The following PRKAR1A variants were observed in gnomAD, a reference collection of about 807,000 sequenced individuals.
The protein encoded by PRKAR1A is cAMP-dependent protein kinase type I-alpha regulatory subunit.
PRKAR1A carries 3 observed loss-of-function variants against 52.0 expected under a neutral mutation model. The observed-to-expected ratio is 0.06, with a 90% confidence interval of 0.03 to 0.15. The LOEUF (loss-of-function observed/expected upper bound fraction) is 0.15, where lower values mean the gene tolerates loss of function less well. Among genes scored for constraint, PRKAR1A ranks in the 10% least tolerant of loss-of-function variants. The pLI, the probability that PRKAR1A is intolerant of heterozygous loss-of-function variation, is 1.00. For synonymous variants in PRKAR1A, 188 were observed against 168.4 expected (o/e 1.12, Z -0.90); for missense variants, 240 against 477.4 (o/e 0.50, Z 4.63).
the PRKAR1A span, among the ~76,000 whole-genome samples, chr17:68,489,186 GTATATATATATATATATA>G: frequency 5.7e-3 from 63 of 11,092 alleles, 3 homozygotes; most frequent in African/African-American, 0.018. Context: ...ATCTTGGAAA[GTATATATATATATATATA>G]TATATATATA....
At chr17:68,489,215 TATATATATATATATG>T in the PRKAR1A span, among the ~76,000 whole-genome samples, 1 of 53,456 alleles carries the variant, frequency 1.9e-5, no homozygotes, top group Admixed American at 3.0e-4. Flanking sequence ...TATATATATA[TATATATATATATATG>T]GAAAGTATAT....
intron 11 of PRKAR1A, chr17:68,542,777 A>G (rs770088753): frequency 2.5e-6 from 4 of 1,614,026 alleles, no homozygotes; most frequent in South Asian, 2.2e-5. Context: ...TATCCTCCCC[A>G]CTGTTGGCGG....
In PRKAR1A at chr17:68,515,684, T is replaced by G; in HGVS notation, c.177+108T>G. 3 of 1,291,448 alleles carry G rather than the reference T, an allele frequency of 2.3e-6. 1 individual carries two copies. The South Asian group carries it at 3.9e-5, about 17-fold the overall frequency. The allele number at this position is 1,291,448 out of a possible 1,614,324, so 80.0% of individuals were successfully genotyped here. On this transcript the variant is annotated intron_variant, in intron 2 of 10. Coordinates refer to ENST00000589228, the MANE Select transcript of PRKAR1A (RefSeq NM_002734.5). The stretch of plus-strand genomic sequence containing the variant: ...TTGGAAGAAAAGGAATCTGACTAAA[T>G]AAAAAGTCTAAAACAATTTCAAATA...
the PRKAR1A span, chr17:68,420,550 C>A: frequency 2.1e-6 from 3 of 1,438,940 alleles, no homozygotes; most frequent in Non-Finnish European, 2.9e-6. Flanking sequence ...TTTACAAACA[C>A]ACGCTTTAGT....
At chr17:68,489,768 C>A in the PRKAR1A span, among the ~76,000 whole-genome samples, 2 of 151,862 alleles carry the variant, frequency 1.3e-5, no homozygotes, top group Admixed American at 6.6e-5. Context: ...GTTGGCCAGC[C>A]CGGTCTCGAA....
the PRKAR1A span, among the ~76,000 whole-genome samples, chr17:68,466,032 T>C: frequency 2.0e-5 from 3 of 152,074 alleles, no homozygotes; most frequent in South Asian, 2.1e-4. Flanking sequence ...AGCATGGAGA[T>C]TGGTTGTCAG....
rs2085951738 is a variant in PRKAR1A, at chr17:68,530,695, A to G, written c.*246A>G. On this transcript the variant is annotated 3_prime_UTR_variant, in exon 11 of 11. Transcript: ENST00000589228. ...TTGCTGTTACTGCTTCTCTTTGTGC[A>G]GTGTTAGTATTCACCCTGGGCAGTG... is the stretch of plus-strand genomic sequence containing the variant. 1.4e-6 allele frequency: 2 copies of G among 1,405,648 alleles called. No individual in the cohort carries two copies. The highest frequency in any genetic ancestry group is 2.9e-5 in the South Asian group (2 of 69,492). The allele number at this position is 1,405,648 out of a possible 1,614,324, so 87.1% of individuals were successfully genotyped here.
intron 11 of PRKAR1A, among the ~76,000 whole-genome samples, chr17:68,548,034 C>T (rs1486471347): frequency 1.3e-5 from 2 of 150,964 alleles, no homozygotes; most frequent in Non-Finnish European, 3.0e-5. Context: ...ATTGTTGTGT[C>T]TTAGGGAATA....
In PRKAR1A at chr17:68,542,885, T is replaced by G. The variant is rs149917082; in HGVS notation, c.974-8199T>G. 4.2e-4 allele frequency: 485 copies of G among 1,150,052 alleles called. 5 individuals carry two copies. The East Asian group carries it at 0.011, about 26-fold the overall frequency. 71.2% of individuals were successfully genotyped at this position (1,150,052 alleles called of 1,614,324 possible). On this transcript the variant is annotated intron_variant, in intron 11 of 11. Transcript: ENST00000585981. ...AGGAGGGGTTTTGTCCCCCGGCCAG[T>G]GCACATTAGGAATTGGCTGGTGTAC...
At chr17:68,430,710 C>A in the PRKAR1A span, among the ~76,000 whole-genome samples, 3 of 152,184 alleles carry the variant, frequency 2.0e-5, no homozygotes, top group African/African-American at 7.2e-5. Flanking sequence ...TGGGATGTCG[C>A]CTACAGTCAT....
chr17:68,542,792 C>A, intron 11 of PRKAR1A: 1 of 1,613,958 alleles, frequency 6.2e-7, no homozygotes, highest in Non-Finnish European at 8.5e-7. Context: ...TGGCGGCACC[C>A]GTCGGAAGTC....
rs2143307042 is a variant in PRKAR1A at position 68,524,923 on chromosome 17, G to C, written c.514G>C (p.Asp172His). The C allele has an allele frequency of 1.2e-6, 2 of 1,609,170 alleles. No individual in the cohort carries two copies. Among genetic ancestry groups the C allele is most frequent in the Non-Finnish European group, 1.7e-6 (2 of 1,175,756 alleles). Residue 172 changes from aspartate to histidine, a missense_variant, in exon 6 of 11, where the codon GAT (aspartate) becomes CAT (histidine). Physicochemically the swap from Asp to His is moderately conservative, Grantham distance 81. Transcript: ENST00000589228. ...ETVIQQGDEG[D>H]NFYVIDQGET... ...TTACCCTCTTTTAGGTGATGAAGGG[G>C]ATAACTTCTATGTGATTGATCAAGG...
intron 11 of PRKAR1A, chr17:68,541,164 T>A: frequency 1.6e-6 from 1 of 623,112 alleles, no homozygotes; most frequent in South Asian, 1.9e-5. Context: ...GTCCTTTAAG[T>A]CTGGTGGACA....
chr17:68,493,470 G>A, the PRKAR1A span, among the ~76,000 whole-genome samples: 1 of 152,122 alleles, frequency 6.6e-6, no homozygotes, highest in African/African-American at 2.4e-5. Flanking sequence ...CCCCCCGCAC[G>A]TGTTCTTACT....
chr17:68,500,813 G>A, the PRKAR1A span, among the ~76,000 whole-genome samples: 2 of 151,994 alleles, frequency 1.3e-5, no homozygotes, highest in Admixed American at 6.5e-5. Flanking sequence ...CACGGCGCCC[G>A]GCCTCAGGTA....
In PRKAR1A at chr17:68,515,537, C is replaced by G; in HGVS notation, c.138C>G (p.Pro46=). 2 of 1,612,880 alleles carry G rather than the reference C, an allele frequency of 1.2e-6. No homozygotes were observed. ...TGTGCACTGCTCGACCTGAGAGACC[C>G]ATGGCATTCCTCAGGGAATACTTTG... The part of the protein sequence containing the change: ...VQLCTARPER[P]MAFLREYFER... Residue 46 remains proline, a synonymous_variant, in exon 2 of 11, where the codon CCC becomes CCG. Coordinates refer to ENST00000589228, the MANE Select transcript of PRKAR1A (RefSeq NM_002734.5).
intron 11 of PRKAR1A, chr17:68,540,003 G>A: frequency 4.4e-6 from 7 of 1,587,534 alleles, no homozygotes; most frequent in Non-Finnish European, 6.1e-6. Context: ...GAACCAGCAG[G>A]CCAGGGGGAC....
the PRKAR1A span, among the ~76,000 whole-genome samples, chr17:68,426,926 G>A: frequency 6.6e-6 from 1 of 152,250 alleles, no homozygotes; most frequent in South Asian, 2.1e-4. Flanking sequence ...AGGGTCCCAG[G>A]TTTAAAGGCT....
Position 68,530,272 on chromosome 17 carries a change from T to G in PRKAR1A, c.974-5T>G, listed in dbSNP as rs771841199. ...TAGCCTGTTACCCATCTTTGCTTTCTCCAGGTGAAATTGCACTACTGATGA... is the reference window on the plus strand; with the variant it reads ...TAGCCTGTTACCCATCTTTGCTTTCGCCAGGTGAAATTGCACTACTGATGA... On this transcript the variant is annotated splice_region_variant and splice_polypyrimidine_tract_variant and intron_variant, in intron 10 of 10. Coordinates refer to ENST00000589228, the MANE Select transcript of PRKAR1A (RefSeq NM_002734.5). The G allele has an allele frequency of 6.2e-7, 1 of 1,614,122 alleles. No homozygotes were observed.
Sources: gnomAD v4.1 joint callset for allele counts (sites outside exome capture counted in the v4.1 genomes callset) on GRCh38, gnomAD v4.1.1 for gene constraint, MANE v1.5 for transcripts, NCBI Gene and HGNC (gene_info 2026-07-23, HGNC 2026-07-21) for gene names.